Variants in KHDRBS2 observed in about 807,000 individuals in gnomAD.
KHDRBS2 encodes the protein KH RNA binding domain containing, signal transduction associated 2.
KHDRBS2 carries 26 observed loss-of-function variants against 44.3 expected under a neutral mutation model. That is an observed-to-expected ratio of 0.59 (90% confidence interval 0.43 to 0.81). The LOEUF (loss-of-function observed/expected upper bound fraction) is 0.81, where lower values mean the gene tolerates loss of function less well. KHDRBS2 is among the 40% of genes least tolerant of loss of function. The pLI is 0.00. For synonymous variants in KHDRBS2, 194 were observed against 151.1 expected (o/e 1.28, Z -2.08); for missense variants, 476 against 433.1 (o/e 1.10, Z -0.88).
intron 3 of KHDRBS2, among the ~76,000 whole-genome samples, chr6:62,039,193 T>C (rs777745655): frequency 6.6e-6 from 1 of 151,946 alleles, no homozygotes; most frequent in Middle Eastern, 3.4e-3. Context: ...GTGTTTTATG[T>C]GTTGATCGGT....
intron 8 of KHDRBS2, among the ~76,000 whole-genome samples, chr6:61,696,199 A>G (rs1767880567): frequency 6.6e-6 from 1 of 151,108 alleles, no homozygotes; most frequent in Non-Finnish European, 1.5e-5. Context: ...AATTAGTAAC[A>G]TTTTTCAAGG....
At chr6:61,578,317 A>G in the KHDRBS2 span, among the ~76,000 whole-genome samples, 9 of 152,154 alleles carry the variant, frequency 5.9e-5, no homozygotes, top group Admixed American at 2.0e-4. Flanking sequence ...ATTCAGAGTG[A>G]TCTTTCCGCA....
chr6:61,757,389 C>A (rs954077676), intron 6 of KHDRBS2, among the ~76,000 whole-genome samples: 1 of 152,078 alleles, frequency 6.6e-6, no homozygotes, highest in African/African-American at 2.4e-5. Flanking sequence ...ACATACTCCC[C>A]GTCAACTTAC....
intron 5 of KHDRBS2, among the ~76,000 whole-genome samples, chr6:61,899,737 C>CCG (rs901988905): frequency 7.3e-6 from 1 of 136,596 alleles, no homozygotes; most frequent in Admixed American, 7.6e-5. Flanking sequence ...TTTAATGCCC[C>CCG]CCCCCCGCAT....
intron 3 of KHDRBS2, among the ~76,000 whole-genome samples, chr6:62,008,997 T>C (rs1425518057): frequency 1.3e-5 from 2 of 152,152 alleles, no homozygotes; most frequent in Non-Finnish European, 2.9e-5. Flanking sequence ...AAAAGATACC[T>C]GAAAATGTGG....
At chr6:61,882,984 T>C (rs1800412208) in intron 6 of KHDRBS2, among the ~76,000 whole-genome samples, 1 of 152,070 alleles carries the variant, frequency 6.6e-6, no homozygotes, top group Admixed American at 6.6e-5. Context: ...ATATGATTTG[T>C]AACCCAATAT....
chr6:61,999,905 ATATCT>A (rs746418568), intron 3 of KHDRBS2, among the ~76,000 whole-genome samples: 23 of 152,172 alleles, frequency 1.5e-4, no homozygotes, highest in African/African-American at 5.3e-4. Context: ...AGAATATTAG[ATATCT>A]TATGGTGAAA....
chr6:61,729,651 A>G (rs896725571), intron 7 of KHDRBS2, among the ~76,000 whole-genome samples: 16 of 151,992 alleles, frequency 1.1e-4, no homozygotes, highest in Admixed American at 6.6e-5. Flanking sequence ...TCTGTGTACT[A>G]GTATCTAATT....
chr6:61,587,538 C>T, the KHDRBS2 span, among the ~76,000 whole-genome samples: 1 of 152,060 alleles, frequency 6.6e-6, no homozygotes, highest in Admixed American at 6.6e-5. Flanking sequence ...CACTTTCAGA[C>T]ATTCAGAAAT....
the KHDRBS2 span, among the ~76,000 whole-genome samples, chr6:61,650,519 C>T: frequency 6.6e-6 from 1 of 151,536 alleles, no homozygotes; most frequent in Non-Finnish European, 1.5e-5. Context: ...AGTGAATAAG[C>T]ACAGTCAGAT....
chr6:61,659,740 A>C, the KHDRBS2 span, among the ~76,000 whole-genome samples: 1 of 151,808 alleles, frequency 6.6e-6, no homozygotes. Flanking sequence ...ATTAAAAAAA[A>C]ACAAAGCTAA....
the KHDRBS2 span, among the ~76,000 whole-genome samples, chr6:61,639,152 A>T: frequency 6.6e-6 from 1 of 152,128 alleles, no homozygotes. Context: ...CTTACTAATT[A>T]AATATCTATG....
chr6:62,128,409 T>A (rs1809465904), intron 2 of KHDRBS2, among the ~76,000 whole-genome samples: 1 of 152,146 alleles, frequency 6.6e-6, no homozygotes, highest in Non-Finnish European at 1.5e-5. Flanking sequence ...ACAGTCCAAG[T>A]ATTCATCATG....
At position 61,965,760 on chromosome 6, in the gene KHDRBS2, A is replaced by G. The variant is rs1769784236; in HGVS notation, c.483+12306T>C. The stretch of plus-strand genomic sequence containing the variant: ...CCTACTTTAGAGGATAAGTTAAGGC[A>G]TTTTCTTGCAGAGGAGAGTAGAGAG... On this transcript the variant is annotated intron_variant, in intron 4 of 8. Transcript: ENST00000281156. Among the ~76,000 whole-genome samples the G allele has an allele frequency of 7.2e-5, 11 of 152,098 alleles. No individual in the cohort carries two copies. In the South Asian group the frequency reaches 2.3e-3, roughly 31 times the overall value.
the KHDRBS2 span, among the ~76,000 whole-genome samples, chr6:61,593,521 A>G: frequency 2.0e-5 from 3 of 149,854 alleles, no homozygotes; most frequent in African/African-American, 4.9e-5. Flanking sequence ...TTAGTCTCTC[A>G]CTTCTACTTC....
chr6:62,040,386 C>A (rs940385113), intron 3 of KHDRBS2, among the ~76,000 whole-genome samples: 1 of 152,120 alleles, frequency 6.6e-6, no homozygotes, highest in Non-Finnish European at 1.5e-5. Flanking sequence ...TGTTGCATAA[C>A]TAACCATGAT....
intron 3 of KHDRBS2, among the ~76,000 whole-genome samples, chr6:61,987,033 A>T (rs1423777264): frequency 1.3e-5 from 2 of 152,234 alleles, no homozygotes; most frequent in Admixed American, 1.3e-4. Context: ...TACATGGATC[A>T]CATAACATGG....
chr6:61,881,965 A>T (rs755136720), intron 6 of KHDRBS2, among the ~76,000 whole-genome samples: 1 of 152,030 alleles, frequency 6.6e-6, no homozygotes, highest in Non-Finnish European at 1.5e-5. Context: ...GCCTCCAGAA[A>T]TTACAACATG....
chr6:61,779,258 C>G (rs755152143), intron 6 of KHDRBS2, among the ~76,000 whole-genome samples: 1 of 152,064 alleles, frequency 6.6e-6, no homozygotes, highest in African/African-American at 2.4e-5. Flanking sequence ...TTCCTAACAT[C>G]TGAAGTCCCT....
Sources: allele counts gnomAD v4.1 joint callset (sites outside exome capture counted in the v4.1 genomes callset), GRCh38; gene constraint gnomAD v4.1.1; transcripts MANE v1.5; gene names NCBI Gene and HGNC (gene_info 2026-07-23, HGNC 2026-07-21).